HAUS4: variants seen among roughly 807,000 people sequenced by gnomAD.
The protein encoded by HAUS4 is HAUS augmin-like complex subunit 4.
A neutral mutation model predicts 50.6 loss-of-function variants in HAUS4; 34 were observed. That is an observed-to-expected ratio of 0.67 (90% CI 0.51 to 0.90). The LOEUF (loss-of-function observed/expected upper bound fraction) is 0.90, where lower values mean the gene tolerates loss of function less well. Ranked by LOEUF, HAUS4 falls within the 40% of genes least tolerant of loss-of-function variation. The pLI is 0.00. For synonymous variants in HAUS4, 149 were observed against 161.4 expected, an observed-to-expected ratio of 0.92 and a Z score of 0.58; for missense variants, 370 against 428.7, an observed-to-expected ratio of 0.86 and a Z score of 1.21.
chr14:22,951,083 C>A (rs928363496), intron 5 of HAUS4, among the ~76,000 whole-genome samples: 11 of 152,262 alleles, frequency 7.2e-5, no homozygotes, highest in Admixed American at 1.3e-4. Context: ...TCACTACAGC[C>A]TTGACCTCCC....
intron 5 of HAUS4, 133 bp downstream of exon 5, chr14:22,951,419 TTTC>T: frequency 2.1e-6 from 2 of 936,204 alleles, no homozygotes; most frequent in Non-Finnish European, 3.3e-6. Flanking sequence ...GTGTAACGTT[TTTC>T]TTATTTGAGT....
chr14:22,952,292 A>G, intron 4 of HAUS4, 36 bp downstream of exon 4: 1 of 1,578,490 alleles, frequency 6.3e-7, no homozygotes, highest in South Asian at 1.1e-5. Context: ...TGCTGGGATT[A>G]CAGGTGTTAG....
chr14:22,950,407 A>G lies in HAUS4; in HGVS notation c.469T>C (p.Phe157Leu). 1.2e-6 allele frequency: 2 copies of G among 1,603,760 alleles called. No homozygotes were observed. The highest frequency in any genetic ancestry group is 1.7e-6 in the Non-Finnish European group (2 of 1,170,680). ...LLELMPLSED[F>L]VWMRARLQQE... is the part of the protein sequence containing the mutation. ...TGTAGCCGAGCCCTCATCCACACAA[A>G]ATCCTACAGTCATAGAAGTAAAGGC... is the stretch of plus-strand genomic sequence containing the variant. The change falls in exon 6 of 10, where the codon TTT (phenylalanine) becomes CTT (leucine). Residue 157 changes from phenylalanine (F) to leucine (L), a missense_variant. Phe to Leu is a conservative substitution (Grantham distance 22). Transcript: ENST00000541587.
rs765620884 is a variant in HAUS4 at position 22,946,719 on chromosome 14, G to A, written c.909-11C>T. 38 of 1,591,848 alleles carry A rather than the reference G, an allele frequency of 2.4e-5. No individual in the cohort carries two copies. In the East Asian group the frequency reaches 3.1e-4, roughly 13 times the overall value. On this transcript the variant is annotated splice_polypyrimidine_tract_variant and intron_variant, in intron 9 of 9. Transcript: ENST00000541587. ...CCCTCCAAACGGTCCCTAAGAGCCC[G>A]GGCAGAGAAGGCACAATATAAGGGT... is the stretch of plus-strand genomic sequence containing the variant.
At chr14:22,947,311 T>A in intron 8 of HAUS4, 72 bp from the exon 9 acceptor site, 1 of 1,034,284 alleles carries the variant, frequency 9.7e-7, no homozygotes, top group Non-Finnish European at 1.5e-6. Context: ...ATGGACGTAG[T>A]ACCTGCCGAC....
At position 22,956,909 on chromosome 14, in the gene HAUS4, A is replaced by G. The variant is rs1035409781; in HGVS notation, c.-23+7T>C. ...GAAGCTCCGCCCGCCGACCCTCTAAAGCAAACCTGCACACCCTGGGGCAGC... is the reference window on the plus strand; with the variant it reads ...GAAGCTCCGCCCGCCGACCCTCTAAGGCAAACCTGCACACCCTGGGGCAGC... On this transcript the variant is annotated splice_region_variant and intron_variant, in intron 1 of 9. Transcript: ENST00000541587. 5.8e-5 allele frequency: 9 copies of G among 154,534 alleles called. No individual in the cohort carries two copies. Among genetic ancestry groups the G allele is most frequent in the African/African-American group, 1.9e-4 (8 of 41,530 alleles). The allele number at this position is 154,534 out of a possible 1,614,324, so 9.6% of individuals were successfully genotyped here.
chr14:22,951,617 C>A lies in HAUS4; in HGVS notation c.403G>T (p.Glu135Ter). ...TCCAGCCCCAGCAGTGGAGGTATCTCCCTCTCCTGGCTAGGACCTAAGAGC... is the reference window on the plus strand; with the variant it reads ...TCCAGCCCCAGCAGTGGAGGTATCTACCTCTCCTGGCTAGGACCTAAGAGC... ...MRLLGPSQER[E>*]IPPLLGLEKA... is the part of the protein sequence containing the mutation. The change falls in exon 5 of 10, where the codon GAG becomes TAG. Residue 135 changes from glutamate (E) to a stop codon, truncating the protein, a stop_gained. Transcript: ENST00000541587. LOFTEE classifies it high-confidence loss of function. 6.2e-7 allele frequency: 1 copy of A among 1,614,042 alleles called. No individual in the cohort carries two copies. The highest frequency in any genetic ancestry group is 1.7e-5 in the Admixed American group (1 of 59,996).
intron 2 of HAUS4, among the ~76,000 whole-genome samples, chr14:22,953,678 T>C (rs369029285): frequency 6.6e-6 from 1 of 151,838 alleles, no homozygotes. Flanking sequence ...TGGAGTGCAA[T>C]GGCACGATCT....
At position 22,947,868 on chromosome 14, in the gene HAUS4, C is replaced by T; in HGVS notation, c.708G>A (p.Gln236=). ...GGGGCTGTCCCATGCCCTGATAAAC[C>T]TGGGAGTAAGCAGCACTCTTCTTCT... The part of the protein sequence containing the change: ...LLEKKSAAYS[Q]VLLRCLTLLQ... The change falls in exon 7 of 10, where the codon CAG becomes CAA. Residue 236 remains glutamine, a splice_region_variant and synonymous_variant. Transcript: ENST00000541587. The T allele has an allele frequency of 1.2e-6, 2 of 1,612,894 alleles. No homozygotes were observed. Among genetic ancestry groups the T allele is most frequent in the Non-Finnish European group, 1.7e-6 (2 of 1,179,382 alleles).
At position 22,947,168 on chromosome 14, in the gene HAUS4, C is replaced by CA. The variant is rs1406364595; in HGVS notation, c.908+2dup. On this transcript the variant is annotated splice_region_variant and intron_variant, in intron 9 of 9. Coordinates refer to ENST00000541587, the MANE Select transcript of HAUS4 (RefSeq NM_001166269.2). ...GCTGTACCAGACTCTTAGGAGTTCT[C>CA]ACCTAATCAGACGATGAACTTCCAC... 1 of 1,563,212 alleles carries CA rather than the reference C, an allele frequency of 6.4e-7. No individual in the cohort carries two copies.
At chr14:22,948,464 G>C (rs555955614) in intron 6 of HAUS4, among the ~76,000 whole-genome samples, 1 of 122,626 alleles carries the variant, frequency 8.2e-6, no homozygotes, top group African/African-American at 2.8e-5. Context: ...CGGGGGGGGG[G>C]AGGGCATCTG....
At chr14:22,955,007 G>C in intron 2 of HAUS4, 93 bp downstream of exon 2, 6 of 927,736 alleles carry the variant, frequency 6.5e-6, no homozygotes, top group Non-Finnish European at 1.8e-6. Context: ...TTACAGGTGT[G>C]AGCCAATAAA....
Position 22,947,745 on chromosome 14 carries a change from G to A in HAUS4, c.709-14C>T. 6.2e-7 allele frequency: 1 copy of A among 1,613,692 alleles called. No individual in the cohort carries two copies. The highest frequency in any genetic ancestry group is 1.1e-5 in the South Asian group (1 of 91,064). On this transcript the variant is annotated splice_polypyrimidine_tract_variant and intron_variant, in intron 7 of 9. Transcript: ENST00000541587. ...GCGGAGAAGCACCTGAGCCCAAGAT[G>A]GAGGAAGAAGAGGGCATAAATAAAG...
chr14:22,953,218 C>T (rs942902584), intron 2 of HAUS4, among the ~76,000 whole-genome samples: 2 of 151,806 alleles, frequency 1.3e-5, no homozygotes, highest in Non-Finnish European at 2.9e-5. Context: ...GGCACAATCA[C>T]AGCTCACTGC....
chr14:22,956,652 T>G (rs2044871314), intron 1 of HAUS4: 1 of 152,340 alleles, frequency 6.6e-6, no homozygotes, highest in Non-Finnish European at 1.5e-5. Context: ...ATGTTCTGAC[T>G]CAGGCGTCTT....
rs772511721 is a variant in HAUS4 at position 22,952,327 on chromosome 14, C to T, written c.330+1G>A. On this transcript the variant is annotated splice_donor_variant, in intron 4 of 9. Transcript: ENST00000541587. LOFTEE classifies it high-confidence loss of function. The stretch of plus-strand genomic sequence containing the variant: ...GCCACCACGCCCAGCCTTTGCCTCA[C>T]CTTTTTGTCCTCAGAAGTTACATTT... 4 of 1,613,498 alleles carry T rather than the reference C, an allele frequency of 2.5e-6. No homozygotes were observed. The highest frequency in any genetic ancestry group is 2.2e-5 in the South Asian group (2 of 91,072).
Position 22,946,589 on chromosome 14 carries a change from A to G in HAUS4, c.1028T>C (p.Val343Ala), listed in dbSNP as rs918717377. Residue 343 changes from valine (V) to alanine (A), a missense_variant, in exon 10 of 10, where the codon GTA becomes GCA. Physicochemically the swap from Val to Ala is moderately conservative, Grantham distance 64. Coordinates refer to ENST00000541587, the MANE Select transcript of HAUS4 (RefSeq NM_001166269.2). ...EFDRLVKEYT[V>A]LKQATENKRW... is the part of the protein sequence containing the mutation. ...CTTGTTCTCTGTTGCCTGCTTGAGTACGGTGTACTCTTTCACCAGCCTGTC... is the reference window on the plus strand; with the variant it reads ...CTTGTTCTCTGTTGCCTGCTTGAGTGCGGTGTACTCTTTCACCAGCCTGTC... The G allele has an allele frequency of 8.7e-6, 14 of 1,613,900 alleles. No homozygotes were observed. The highest frequency in any genetic ancestry group is 1.1e-5 in the Non-Finnish European group (13 of 1,179,984).
intron 6 of HAUS4, 41 bp from the exon 7 acceptor site, chr14:22,948,054 G>T (rs1439640947): frequency 1.0e-5 from 16 of 1,544,334 alleles, no homozygotes; most frequent in Non-Finnish European, 1.3e-5. Context: ...AACCCTAATC[G>T]CTACAATCCC....
In HAUS4 at chr14:22,952,628, G is replaced by A. The variant is rs11549681; in HGVS notation, c.111C>T (p.Asn37=). ...TCAGGAGAAGCTTGCTGAAGTATGG[G>A]TTCTGTAACAGGTCCTCTTTACTCA... ...CNLSKEDLLQ[N]PYFSKLLLNL... The change falls in exon 3 of 10, where the codon AAC becomes AAT. Residue 37 remains asparagine, a synonymous_variant. Coordinates refer to ENST00000541587, the MANE Select transcript of HAUS4 (RefSeq NM_001166269.2). 1 of 1,613,552 alleles carries A rather than the reference G, an allele frequency of 6.2e-7. No homozygotes were observed. Among genetic ancestry groups the A allele is most frequent in the Non-Finnish European group, 8.5e-7 (1 of 1,179,716 alleles).
Sources: allele counts gnomAD v4.1 joint callset (sites outside exome capture counted in the v4.1 genomes callset), GRCh38; gene constraint gnomAD v4.1.1; transcripts MANE v1.5; gene names NCBI Gene and HGNC (gene_info 2026-07-23, HGNC 2026-07-21).